ZNF475: variants seen among roughly 807,000 people sequenced by gnomAD.
ZNF475 encodes zinc finger protein 475.
chr5:122,176,219 A>G, the ZNF475 span, among the ~76,000 whole-genome samples: 1 of 152,082 alleles, frequency 6.6e-6, no homozygotes, highest in South Asian at 2.1e-4. Context: ...CAATATCCCT[A>G]CTATAAATAT....
chr5:122,177,914 G>A, the ZNF475 span, among the ~76,000 whole-genome samples: 1 of 151,882 alleles, frequency 6.6e-6, no homozygotes, highest in Non-Finnish European at 1.5e-5. Flanking sequence ...CCCCCAACAG[G>A]CCCCAGTGTG....
At chr5:122,180,416 T>G in the ZNF475 span, among the ~76,000 whole-genome samples, 1 of 152,228 alleles carries the variant, frequency 6.6e-6, no homozygotes, top group Admixed American at 6.5e-5. Context: ...TTTTTCACAT[T>G]TAATCATTTG....
chr5:122,171,517 T>C, the ZNF475 span, among the ~76,000 whole-genome samples: 1 of 152,218 alleles, frequency 6.6e-6, no homozygotes, highest in Non-Finnish European at 1.5e-5. Context: ...TGCTGAACTG[T>C]AGGATAATAT....
the ZNF475 span, chr5:122,160,329 G>A: frequency 2.1e-5 from 25 of 1,199,806 alleles, no homozygotes; most frequent in South Asian, 3.2e-4. Context: ...TTGTGTATAT[G>A]TATTACATGT....
chr5:122,167,666 T>C, the ZNF475 span, among the ~76,000 whole-genome samples: 1 of 152,204 alleles, frequency 6.6e-6, no homozygotes, highest in Non-Finnish European at 1.5e-5. Flanking sequence ...GGAGAAATAA[T>C]TTACAAACAA....
At chr5:122,179,309 T>C in the ZNF475 span, among the ~76,000 whole-genome samples, 2 of 152,234 alleles carry the variant, frequency 1.3e-5, no homozygotes, top group Non-Finnish European at 2.9e-5. Context: ...GGGATAGCAT[T>C]GAATCTATAA....
At chr5:122,172,841 G>T in the ZNF475 span, among the ~76,000 whole-genome samples, 2 of 152,128 alleles carry the variant, frequency 1.3e-5, no homozygotes, top group African/African-American at 4.8e-5. Context: ...AGACCACCCT[G>T]GCTATCACGG....
chr5:122,167,165 A>G, the ZNF475 span, among the ~76,000 whole-genome samples: 1 of 152,332 alleles, frequency 6.6e-6, no homozygotes, highest in South Asian at 2.1e-4. Flanking sequence ...CTGGTCGGTT[A>G]TGTTTCAAAC....
At chr5:122,165,318 A>C in the ZNF475 span, among the ~76,000 whole-genome samples, 3 of 152,232 alleles carry the variant, frequency 2.0e-5, no homozygotes, top group Non-Finnish European at 4.4e-5. Context: ...CATCTGATTC[A>C]TCCCAGATAT....
the ZNF475 span, among the ~76,000 whole-genome samples, chr5:122,166,737 G>A: frequency 4.6e-5 from 7 of 152,108 alleles, no homozygotes; most frequent in African/African-American, 9.7e-5. Flanking sequence ...CCAGTCTATC[G>A]TTGACGGACA....
the ZNF475 span, among the ~76,000 whole-genome samples, chr5:122,171,151 C>A: frequency 6.6e-6 from 1 of 151,976 alleles, no homozygotes; most frequent in East Asian, 1.9e-4. Flanking sequence ...CTTTGAATAT[C>A]TTTTATGAGT....
At chr5:122,178,555 A>G in the ZNF475 span, among the ~76,000 whole-genome samples, 1 of 152,124 alleles carries the variant, frequency 6.6e-6, no homozygotes, top group Non-Finnish European at 1.5e-5. Flanking sequence ...GTCTATTTAT[A>G]TCCTTTGCCC....
chr5:122,179,717 C>A, the ZNF475 span: 1 of 1,517,778 alleles, frequency 6.6e-7, no homozygotes, highest in Admixed American at 2.2e-5. Context: ...AACCAGAAGT[C>A]AGGACCATTA....
At chr5:122,180,558 G>T in the ZNF475 span, among the ~76,000 whole-genome samples, 1 of 152,192 alleles carries the variant, frequency 6.6e-6, no homozygotes, top group African/African-American at 2.4e-5. Flanking sequence ...GCTCAGACTT[G>T]CTTATCATAT....
At chr5:122,167,004 A>G in the ZNF475 span, among the ~76,000 whole-genome samples, 1 of 152,212 alleles carries the variant, frequency 6.6e-6, no homozygotes, top group Non-Finnish European at 1.5e-5. Flanking sequence ...GCCCATGCCT[A>G]TGTCCTAAAT....
chr5:122,173,784 T>C, the ZNF475 span, among the ~76,000 whole-genome samples: 1 of 152,212 alleles, frequency 6.6e-6, no homozygotes, highest in African/African-American at 2.4e-5. Context: ...AGAAACAAAA[T>C]TGTGATGAGC....
chr5:122,178,164 T>C, the ZNF475 span, among the ~76,000 whole-genome samples: 1 of 152,216 alleles, frequency 6.6e-6, no homozygotes, highest in Non-Finnish European at 1.5e-5. Context: ...TTTGGGTTGG[T>C]TCCAAGTCTT....
the ZNF475 span, among the ~76,000 whole-genome samples, chr5:122,180,808 A>G: frequency 6.6e-6 from 1 of 152,194 alleles, no homozygotes; most frequent in East Asian, 1.9e-4. Context: ...GATAAATTCT[A>G]GATCCTGCTA....
chr5:122,179,105 T>C, the ZNF475 span, among the ~76,000 whole-genome samples: 3 of 152,214 alleles, frequency 2.0e-5, no homozygotes, highest in Non-Finnish European at 2.9e-5. Flanking sequence ...TATAACTGTT[T>C]TGGTAGCAGT....
Sources: allele counts gnomAD v4.1 joint callset (sites outside exome capture counted in the v4.1 genomes callset), GRCh38; gene constraint gnomAD v4.1.1; transcripts MANE v1.5; gene names NCBI Gene and HGNC (gene_info 2026-07-23, HGNC 2026-07-21).